FNBP1: variants seen among roughly 807,000 people sequenced by gnomAD.
FNBP1 encodes formin binding protein 1.
Under a neutral mutation model 90.6 loss-of-function variants are expected in FNBP1, and 26 were observed. The observed-to-expected ratio is 0.29, with a 90% CI of 0.21 to 0.40. The LOEUF is 0.40. FNBP1 is among the 10% of genes least tolerant of loss of function. FNBP1 has a pLI of 1.00. For synonymous variants in FNBP1, 260 were observed against 265.2 expected, an observed-to-expected ratio of 0.98 and a Z score of 0.19; for missense variants, 635 against 768.0, an observed-to-expected ratio of 0.83 and a Z score of 2.05.
chr9:129,933,094 G>A (rs541857984), intron 6 of FNBP1, among the ~76,000 whole-genome samples: 28 of 152,134 alleles, frequency 1.8e-4, no homozygotes, highest in Admixed American at 3.9e-4. Flanking sequence ...AGAACAGCAA[G>A]AGCTCAGGAG....
At chr9:129,928,834 T>C (rs1290683082) in intron 7 of FNBP1, among the ~76,000 whole-genome samples, 1 of 152,150 alleles carries the variant, frequency 6.6e-6, no homozygotes, top group Non-Finnish European at 1.5e-5. Context: ...ATCATGCCTA[T>C]AATCCTAGCA....
chr9:130,038,838 G>T (rs1432138032), intron 1 of FNBP1, among the ~76,000 whole-genome samples: 2 of 152,166 alleles, frequency 1.3e-5, no homozygotes, highest in African/African-American at 4.8e-5. Context: ...GCAAAACCAG[G>T]TTCTGTCACT....
At chr9:129,894,508 C>CA (rs2035440978) in intron 16 of FNBP1, among the ~76,000 whole-genome samples, 2 of 152,272 alleles carry the variant, frequency 1.3e-5, no homozygotes, top group African/African-American at 4.8e-5. Context: ...AAAACAACAA[C>CA]AACAAAAAAA....
chr9:130,028,447 G>T (rs151009946), intron 1 of FNBP1, among the ~76,000 whole-genome samples: 64 of 152,226 alleles, frequency 4.2e-4, no homozygotes, highest in African/African-American at 1.5e-3. Context: ...CTATTAGAAT[G>T]ATGTGTGATA....
intron 11 of FNBP1, among the ~76,000 whole-genome samples, chr9:129,912,072 G>A (rs1021130616): frequency 1.3e-5 from 2 of 152,146 alleles, no homozygotes; most frequent in Non-Finnish European, 2.9e-5. Flanking sequence ...AGAAGTCCTG[G>A]AAGCCTGGAC....
chr9:129,901,429 C>T (rs930933427), intron 13 of FNBP1, among the ~76,000 whole-genome samples: 8 of 151,942 alleles, frequency 5.3e-5, no homozygotes, highest in African/African-American at 1.7e-4. Flanking sequence ...CCCAGCTACT[C>T]GGGAGGCTGA....
chr9:129,988,913 A>C (rs1167032456), intron 2 of FNBP1, among the ~76,000 whole-genome samples: 1 of 152,204 alleles, frequency 6.6e-6, no homozygotes, highest in Non-Finnish European at 1.5e-5. Flanking sequence ...CCTGCAATGC[A>C]GAAAAAAAAT....
chr9:130,009,835 T>C (rs1293825658), intron 1 of FNBP1, among the ~76,000 whole-genome samples: 1 of 151,754 alleles, frequency 6.6e-6, no homozygotes, highest in Non-Finnish European at 1.5e-5. Context: ...TAGCCTGGCA[T>C]GGCGGCACGC....
intron 11 of FNBP1, among the ~76,000 whole-genome samples, chr9:129,914,682 T>G (rs1182170340): frequency 1.3e-5 from 2 of 150,232 alleles, no homozygotes; most frequent in East Asian, 3.9e-4. Context: ...AATAAAATAC[T>G]CTTTTTCTTT....
chr9:129,997,184 C>T (rs1482770684), intron 1 of FNBP1, among the ~76,000 whole-genome samples: 1 of 151,814 alleles, frequency 6.6e-6, no homozygotes. Context: ...AGTAGCCGGG[C>T]GTCATGGCAG....
chr9:129,926,074 C>T (rs775182137), intron 8 of FNBP1, among the ~76,000 whole-genome samples: 4 of 151,946 alleles, frequency 2.6e-5, no homozygotes, highest in Non-Finnish European at 5.9e-5. Flanking sequence ...TGAGTTCCAG[C>T]AATTCTCGTG....
At chr9:129,908,849 T>C (rs2038682029) in intron 12 of FNBP1, 41 bp downstream of exon 12, 1 of 1,365,058 alleles carries the variant, frequency 7.3e-7, no homozygotes, top group Non-Finnish European at 1.0e-6. Context: ...CCACTGCGCC[T>C]GGCCTTGAAT....
intron 2 of FNBP1, among the ~76,000 whole-genome samples, chr9:129,994,002 T>A (rs928713813): frequency 2.0e-5 from 3 of 152,158 alleles, no homozygotes; most frequent in Non-Finnish European, 4.4e-5. Flanking sequence ...ACAAGCACAC[T>A]GGAAATGGCT....
intron 15 of FNBP1, among the ~76,000 whole-genome samples, chr9:129,896,672 T>C (rs1201450677): frequency 1.3e-5 from 2 of 151,812 alleles, no homozygotes; most frequent in East Asian, 1.9e-4. Flanking sequence ...TTGTTTGTTT[T>C]GAGACAGAGT....
At chr9:129,980,928 G>T (rs1268054637) in intron 2 of FNBP1, among the ~76,000 whole-genome samples, 1 of 151,672 alleles carries the variant, frequency 6.6e-6, no homozygotes, top group Non-Finnish European at 1.5e-5. Flanking sequence ...GCAGGCGCCT[G>T]TAGTCCCAGC....
At chr9:130,037,445 G>A (rs1417507890) in intron 1 of FNBP1, among the ~76,000 whole-genome samples, 1 of 152,076 alleles carries the variant, frequency 6.6e-6, no homozygotes, top group East Asian at 1.9e-4. Flanking sequence ...GTAAGAAGAG[G>A]TAATAATTAT....
intron 1 of FNBP1, among the ~76,000 whole-genome samples, chr9:130,008,974 G>C (rs2056183284): frequency 6.6e-6 from 1 of 152,116 alleles, no homozygotes; most frequent in Non-Finnish European, 1.5e-5. Context: ...GCAATCCAAA[G>C]ACTAAAGAAG....
At chr9:130,011,215 CAAAAAAAAAA>C (rs1192541205) in intron 1 of FNBP1, among the ~76,000 whole-genome samples, 38 of 13,414 alleles carry the variant, frequency 2.8e-3, no homozygotes, top group Middle Eastern at 0.083. Context: ...GACTCCATCT[CAAAAAAAAAA>C]AAAAAAAAAA....
chr9:130,012,798 C>T (rs944668653), intron 1 of FNBP1, among the ~76,000 whole-genome samples: 3 of 152,090 alleles, frequency 2.0e-5, no homozygotes, highest in Non-Finnish European at 4.4e-5. Flanking sequence ...TGCCACCACA[C>T]CAGGCTAATT....
Sources: gnomAD v4.1 joint callset for allele counts (sites outside exome capture counted in the v4.1 genomes callset) on GRCh38, gnomAD v4.1.1 for gene constraint, MANE v1.5 for transcripts, NCBI Gene and HGNC (gene_info 2026-07-23, HGNC 2026-07-21) for gene names.